The following EXOC4 variants were observed in gnomAD, a reference collection of about 807,000 sequenced individuals.
The protein encoded by EXOC4 is SEC8-like 1.
EXOC4 carries 71 observed loss-of-function variants against 107.2 expected under a neutral mutation model. The observed-to-expected ratio is 0.66, with a 90% CI of 0.55 to 0.81. EXOC4 has a LOEUF of 0.81. Ranked by LOEUF, EXOC4 falls within the 30% of genes least tolerant of loss-of-function variation. The pLI is 0.00. For missense variants in EXOC4, 1,108 were observed against 1,189.6 expected (o/e 0.93, Z 1.01); for synonymous variants, 456 against 441.2 (o/e 1.03, Z -0.42).
At chr7:133,364,314 T>G (rs1279723841) in intron 6 of EXOC4, among the ~76,000 whole-genome samples, 1 of 151,820 alleles carries the variant, frequency 6.6e-6, no homozygotes, top group Non-Finnish European at 1.5e-5. Flanking sequence ...TATTTTTTTT[T>G]TTTTTTTAAG....
intron 8 of EXOC4, among the ~76,000 whole-genome samples, chr7:133,477,456 C>T (rs1179948900): frequency 6.6e-6 from 1 of 152,182 alleles, no homozygotes; most frequent in Non-Finnish European, 1.5e-5. Flanking sequence ...ATGCATTTAT[C>T]TTTCTTCCAC....
At chr7:133,274,105 A>G (rs1169726632) in intron 1 of EXOC4, among the ~76,000 whole-genome samples, 1 of 152,208 alleles carries the variant, frequency 6.6e-6, no homozygotes, top group African/African-American at 2.4e-5. Context: ...AAGTATATCT[A>G]TCTCATTCCC....
At chr7:133,437,494 A>G (rs979917148) in intron 7 of EXOC4, among the ~76,000 whole-genome samples, 3 of 152,204 alleles carry the variant, frequency 2.0e-5, no homozygotes, top group African/African-American at 7.2e-5. Context: ...AATGCCTGTG[A>G]CCTCATGGAG....
intron 10 of EXOC4, among the ~76,000 whole-genome samples, chr7:133,703,777 T>G (rs1367341284): frequency 6.6e-6 from 1 of 152,204 alleles, no homozygotes; most frequent in Non-Finnish European, 1.5e-5. Context: ...GTGGCCAGTG[T>G]CGTTCTGGGA....
At chr7:133,363,150 C>G (rs1031444003) in intron 6 of EXOC4, among the ~76,000 whole-genome samples, 3 of 152,164 alleles carry the variant, frequency 2.0e-5, no homozygotes, top group Admixed American at 6.5e-5. Flanking sequence ...TGAGAACATG[C>G]TTTAAATATA....
At chr7:133,485,776 T>G (rs952309543) in intron 9 of EXOC4, among the ~76,000 whole-genome samples, 1 of 152,166 alleles carries the variant, frequency 6.6e-6, no homozygotes, top group Non-Finnish European at 1.5e-5. Context: ...AATATCTCCT[T>G]ATTTGTAGGT....
intron 13 of EXOC4, among the ~76,000 whole-genome samples, chr7:133,934,731 A>T (rs909918467): frequency 6.6e-6 from 1 of 152,242 alleles, no homozygotes; most frequent in African/African-American, 2.4e-5. Context: ...TTTTTGTGTT[A>T]TATCTATCAC....
chr7:133,923,696 T>C (rs1307652782), intron 13 of EXOC4, among the ~76,000 whole-genome samples: 1 of 152,210 alleles, frequency 6.6e-6, no homozygotes. Context: ...CTTCTCCCAC[T>C]GTACAGGCCA....
intron 11 of EXOC4, among the ~76,000 whole-genome samples, chr7:133,854,063 A>G (rs1798296568): frequency 6.6e-6 from 1 of 152,210 alleles, no homozygotes; most frequent in African/African-American, 2.4e-5. Flanking sequence ...AACCTCAACC[A>G]GGAACTGGCA....
chr7:133,534,082 C>A (rs1800229793), intron 9 of EXOC4, among the ~76,000 whole-genome samples: 1 of 152,230 alleles, frequency 6.6e-6, no homozygotes, highest in Non-Finnish European at 1.5e-5. Flanking sequence ...CACGTAAGAA[C>A]TTCGTTTGTT....
chr7:133,631,097 C>T (rs1195176422), intron 10 of EXOC4, among the ~76,000 whole-genome samples: 2 of 151,952 alleles, frequency 1.3e-5, no homozygotes, highest in African/African-American at 2.4e-5. Flanking sequence ...TTAAAATGCA[C>T]CTTTTGGGAT....
intron 7 of EXOC4, among the ~76,000 whole-genome samples, chr7:133,470,025 G>A (rs1798832943): frequency 6.6e-6 from 1 of 152,194 alleles, no homozygotes; most frequent in African/African-American, 2.4e-5. Flanking sequence ...GGAATCACAG[G>A]TTATAAGCAT....
At chr7:133,705,227 T>C (rs1230421288) in intron 10 of EXOC4, among the ~76,000 whole-genome samples, 1 of 151,816 alleles carries the variant, frequency 6.6e-6, no homozygotes, top group African/African-American at 2.4e-5. Context: ...ATTAGCCAGG[T>C]GTGGTGGTGT....
At position 133,509,197 on chromosome 7, in the gene EXOC4, G is replaced by A. The variant is rs556787259; in HGVS notation, c.1417+29059G>A. On this transcript the variant is annotated intron_variant, in intron 9 of 17. Transcript: ENST00000253861. ...TAATCCCAGCACTTTGGGAGGCCGA[G>A]GTGGGAGGATCATGAGGTCAGGAGA... is the stretch of plus-strand genomic sequence containing the variant. Among the ~76,000 whole-genome samples, 37 of 152,236 alleles carry A rather than the reference G, an allele frequency of 2.4e-4. No individual in the cohort carries two copies. In the South Asian group the frequency reaches 7.1e-3, roughly 29 times the overall value.
chr7:133,657,812 A>G (rs1402675406), intron 10 of EXOC4, among the ~76,000 whole-genome samples: 2 of 152,186 alleles, frequency 1.3e-5, no homozygotes, highest in African/African-American at 2.4e-5. Context: ...GACTTTGTCA[A>G]GGCTTAGTTT....
intron 10 of EXOC4, among the ~76,000 whole-genome samples, chr7:133,638,693 A>T (rs1292271530): frequency 2.0e-5 from 3 of 151,996 alleles, no homozygotes; most frequent in Non-Finnish European, 4.4e-5. Flanking sequence ...TACGAGTATA[A>T]CTTAACTCTT....
At chr7:133,689,787 G>A (rs1175077791) in intron 10 of EXOC4, among the ~76,000 whole-genome samples, 1 of 152,224 alleles carries the variant, frequency 6.6e-6, no homozygotes. Context: ...CCAGACTCAG[G>A]TTTGGTCAGG....
chr7:134,073,879 A>C, the EXOC4 span, among the ~76,000 whole-genome samples: 1 of 151,842 alleles, frequency 6.6e-6, no homozygotes, highest in South Asian at 2.1e-4. Context: ...CATCCTGATC[A>C]CTCTTTCCCC....
chr7:133,445,895 A>C (rs988125835), intron 7 of EXOC4, among the ~76,000 whole-genome samples: 4 of 152,022 alleles, frequency 2.6e-5, no homozygotes, highest in Admixed American at 1.3e-4. Context: ...GCATGCCTGC[A>C]GTCCCAGCTA....
Sources: gnomAD v4.1 joint callset for allele counts (sites outside exome capture counted in the v4.1 genomes callset) on GRCh38, gnomAD v4.1.1 for gene constraint, MANE v1.5 for transcripts, NCBI Gene and HGNC (gene_info 2026-07-23, HGNC 2026-07-21) for gene names.